Variants in CUL7 observed in about 807,000 individuals in gnomAD.
CUL7 encodes cullin 7, also known as cullin-7.
Under a neutral mutation model 177.7 loss-of-function variants are expected in CUL7, and 96 were observed. The observed-to-expected ratio is 0.54, with a 90% CI of 0.46 to 0.64. The LOEUF (loss-of-function observed/expected upper bound fraction) is 0.64, where lower values mean the gene tolerates loss of function less well. Among genes scored for constraint, CUL7 ranks in the 30% least tolerant of loss-of-function variants. CUL7 has a pLI of 0.00. For missense variants in CUL7, 1,893 were observed against 2,187.9 expected, an observed-to-expected ratio of 0.87 and a Z score of 2.69; for synonymous variants, 824 against 890.2, an observed-to-expected ratio of 0.93 and a Z score of 1.32.
intron 19 of CUL7, among the ~76,000 whole-genome samples, chr6:43,042,132 A>C (rs1430809576): frequency 6.6e-6 from 1 of 150,926 alleles, no homozygotes; most frequent in Non-Finnish European, 1.5e-5. Context: ...GGAAGGAAGG[A>C]AGGAAGGCAG....
At position 43,045,388 on chromosome 6, in the gene CUL7, C is replaced by T. The variant is rs759223855; in HGVS notation, c.2877G>A (p.Thr959=). 74 of 1,614,096 alleles carry T rather than the reference C, an allele frequency of 4.6e-5. 1 individual carries two copies. The highest frequency in any genetic ancestry group is 3.3e-4 in the Middle Eastern group (2 of 6,084). The change falls in exon 15 of 26, where the codon ACG becomes ACA. Residue 959 remains threonine, a synonymous_variant. Coordinates refer to ENST00000265348, the MANE Select transcript of CUL7 (RefSeq NM_014780.5). The surrounding 1 kb of genome is among the most constrained non-coding windows in gnomAD (Gnocchi z 4.8). ...CTAGGATCTCTAACCCCCGAATGCG[C>T]GTATCAATGCCACCCTGAAACACAC... ...IKRCQQGGID[T]RIRGLEILGP...
At position 43,038,948 on chromosome 6, in the gene CUL7, C is replaced by A. The variant is rs756768833; in HGVS notation, c.4334G>T (p.Arg1445Leu). 11 of 1,612,800 alleles carry A rather than the reference C, an allele frequency of 6.8e-6. No individual in the cohort carries two copies. Among genetic ancestry groups the A allele is most frequent in the African/African-American group, 1.3e-5 (1 of 74,884 alleles). Residue 1445 changes from arginine (R) to leucine (L), a missense_variant, in exon 23 of 26, where the codon CGA (arginine) becomes CTA (leucine). Around this residue, in one of 5 missense-constraint regions of CUL7, gnomAD observed 973 missense variants for 1,140.9 expected, o/e 0.85. Transcript: ENST00000265348. ...HPALERGSQR[R>L]LQWTWLGWAE... is the part of the protein sequence containing the mutation. ...CCAGCCCAGCCACGTCCACTGCAGT[C>A]GCCTCTGTGAGCCTCGCTCAAGGGC... is the stretch of plus-strand genomic sequence containing the variant.
rs2150316848 is a variant in CUL7, at chr6:43,043,387, C to T, written c.3355+61G>A. On this transcript the variant is annotated intron_variant, in intron 17 of 25. Transcript: ENST00000265348. This position sits in a 1 kb window ranked among gnomAD's most constrained non-coding sequence, Gnocchi z 4.2. ...GGGATGGACAGAAGCCTGTGGTGTA[C>T]ACATGGGGCCCAGGAAAACGCTCCT... The T allele has an allele frequency of 2.0e-6, 3 of 1,528,698 alleles. No homozygotes were observed. Among genetic ancestry groups the T allele is most frequent in the Middle Eastern group, 2.2e-4 (1 of 4,472 alleles). 94.7% of individuals were successfully genotyped at this position (1,528,698 alleles called of 1,614,324 possible). A position where few individuals can be genotyped will look rare whatever the true frequency, so the allele number is the denominator to read the frequency against.
At position 43,038,341 on chromosome 6, in the gene CUL7, G is replaced by T; in HGVS notation, c.4699C>A (p.Leu1567Met). Reference sequence around the variant, plus strand: ...AGGATTCGGACGATGAGGCAGTTCAGAAGATTCCGTCTCTTCTCCAAGTTC... The same window carrying T: ...AGGATTCGGACGATGAGGCAGTTCATAAGATTCCGTCTCTTCTCCAAGTTC... Reference protein sequence around the residue: ...GQNLEKRRNLLNCLIVRILKA... With the variant: ...GQNLEKRRNLMNCLIVRILKA... Residue 1567 changes from leucine (L) to methionine (M), a missense_variant, in exon 25 of 26, where the codon CTG (leucine) becomes ATG (methionine). Physicochemically the swap from Leu to Met is conservative, Grantham distance 15 (BLOSUM62 2). Transcript: ENST00000265348. 6.2e-7 allele frequency: 1 copy of T among 1,614,210 alleles called. No individual in the cohort carries two copies. Among genetic ancestry groups the T allele is most frequent in the Non-Finnish European group, 8.5e-7 (1 of 1,180,046 alleles).
At position 43,048,551 on chromosome 6, in the gene CUL7, T is replaced by C. The variant is rs750223445; in HGVS notation, c.1844A>G (p.Gln615Arg). 3 of 1,613,988 alleles carry C rather than the reference T, an allele frequency of 1.9e-6. No individual in the cohort carries two copies. The highest frequency in any genetic ancestry group is 1.1e-5 in the South Asian group (1 of 91,084). Residue 615 changes from glutamine (Q) to arginine (R), a missense_variant, in exon 8 of 26, where the codon CAG becomes CGG. Transcript: ENST00000265348. ...AKVEAKEPPS[Q>R]SPNTPLQRLV... ...ACGCTGCAGGGGAGTGTTGGGACTC[T>C]GAGATGGGGGTTCTTTTGCTACAGG...
Position 43,046,981 on chromosome 6 carries a change from G to A in CUL7, c.2296C>T (p.Leu766=), listed in dbSNP as rs1561886829. The A allele has an allele frequency of 1.9e-6, 3 of 1,613,358 alleles. No individual in the cohort carries two copies. Among genetic ancestry groups the A allele is most frequent in the Non-Finnish European group, 1.7e-6 (2 of 1,179,326 alleles). Residue 766 remains leucine, a synonymous_variant, in exon 10 of 26, where the codon CTG becomes TTG. Coordinates refer to ENST00000265348, the MANE Select transcript of CUL7 (RefSeq NM_014780.5). ...TCCCGCAGCTCCTGAGCCAGCTCCA[G>A]CTTTCCCAGGTGCTTTTCCAGGGCC... ...SKALEKHLGK[L]ELAQELRDMV... is the part of the protein sequence containing the mutation.
rs374026887 is a variant in CUL7, at chr6:43,038,588, G to A, written c.4545C>T (p.His1515=). The change falls in exon 24 of 26, where the codon CAC becomes CAT. Residue 1515 remains histidine (H), a synonymous_variant. Coordinates refer to ENST00000265348, the MANE Select transcript of CUL7 (RefSeq NM_014780.5). The part of the protein sequence containing the change: ...LTSSRGPLDL[H]EQKDIPGGVL... ...TACCTCCTGGTATATCCTTTTGCTC[G>A]TGAAGGTCCAGGGGGCCTCTTGAAG... 3.0e-5 allele frequency: 48 copies of A among 1,613,964 alleles called. No homozygotes were observed. Among genetic ancestry groups the A allele is most frequent in the Admixed American group, 1.2e-4 (7 of 60,006 alleles).
In CUL7 at chr6:43,048,195, C is replaced by T. The variant is rs764663127; in HGVS notation, c.2122G>A (p.Val708Met). ...CGCAGGCAGGCCATGCAGGCATCCA[C>T]GGCCTCGTGCCAGGGGAGCAGCAGT... ...EALLLPWHEA[V>M]DACMACLRSP... The change falls in exon 9 of 26, where the codon GTG becomes ATG. Residue 708 changes from valine to methionine, a missense_variant. Transcript: ENST00000265348. The T allele has an allele frequency of 7.4e-6, 12 of 1,613,454 alleles. No homozygotes were observed. The highest frequency in any genetic ancestry group is 2.2e-5 in the South Asian group (2 of 91,076).
chr6:43,047,177 G>C (rs1763995276), intron 9 of CUL7, 70 bp from the exon 10 acceptor site: 1 of 857,522 alleles, frequency 1.2e-6, no homozygotes, highest in African/African-American at 1.7e-5. Flanking sequence ...TGCAGTAGCA[G>C]GTACCCACTG....
intron 6 of CUL7, 111 bp from the exon 7 acceptor site, chr6:43,049,773 C>G: frequency 2.0e-6 from 3 of 1,487,644 alleles, no homozygotes; most frequent in Non-Finnish European, 2.8e-6. Context: ...CATCCTGATC[C>G]TCTCACAGCT....
At position 43,038,038 on chromosome 6, in the gene CUL7, G is replaced by A. The variant is rs374668443; in HGVS notation, c.4774-27C>T. 116 of 1,577,396 alleles carry A rather than the reference G, an allele frequency of 7.4e-5. 1 individual carries two copies. The Admixed American group carries it at 7.5e-4, about 10-fold the overall frequency. ...TGGTGTGGGGGAGGAAGGGAGAAGCGGTAGTTTAGAGGCAGCTGACCCCTC... is the reference window on the plus strand; with the variant it reads ...TGGTGTGGGGGAGGAAGGGAGAAGCAGTAGTTTAGAGGCAGCTGACCCCTC... On this transcript the variant is annotated intron_variant, in intron 25 of 25. Coordinates refer to ENST00000265348, the MANE Select transcript of CUL7 (RefSeq NM_014780.5).
In CUL7 at chr6:43,052,419, G is replaced by A; in HGVS notation, c.370C>T (p.Gln124Ter). The change falls in exon 2 of 26, where the codon CAG becomes TAG. Residue 124 changes from glutamine to a stop codon, truncating the protein, a stop_gained. Transcript: ENST00000265348. LOFTEE classifies it high-confidence loss of function. The surrounding 1 kb of genome is among the most constrained non-coding windows in gnomAD (Gnocchi z 4.5). The stretch of plus-strand genomic sequence containing the variant: ...ATAGTGCCCACACACTCCTCCAGCT[G>A]CCGAAGGGCTCTCTGAATGAGGGAC... ...VKSLIQRALR[Q>*]LEECVGTIPP... 3 of 1,614,114 alleles carry A rather than the reference G, an allele frequency of 1.9e-6. No individual in the cohort carries two copies. The highest frequency in any genetic ancestry group is 2.5e-6 in the Non-Finnish European group (3 of 1,179,920).
In CUL7 at chr6:43,050,125, T is replaced by G. The variant is rs1317926650; in HGVS notation, c.1407A>C (p.Glu469Asp). 6.2e-7 allele frequency: 1 copy of G among 1,613,926 alleles called. No individual in the cohort carries two copies. Among genetic ancestry groups the G allele is most frequent in the African/African-American group, 1.3e-5 (1 of 74,844 alleles). ...LPAWRWRPMT[E>D]LYAVPYVLPE... Reference sequence around the variant, plus strand: ...GCAGCACATAAGGCACAGCATAGAGTTCTGTCATGGGCCTCCAGCGCCAGG... The same window carrying G: ...GCAGCACATAAGGCACAGCATAGAGGTCTGTCATGGGCCTCCAGCGCCAGG... Residue 469 changes from glutamate to aspartate, a missense_variant, in exon 6 of 26, where the codon GAA (glutamate) becomes GAC (aspartate). Physicochemically the swap from Glu to Asp is conservative, Grantham distance 45. Around this residue, in one of 5 missense-constraint regions of CUL7, gnomAD observed 653 missense variants for 725.2 expected, o/e 0.90. Transcript: ENST00000265348. This position sits in a 1 kb window ranked among gnomAD's most constrained non-coding sequence, Gnocchi z 4.1.
chr6:43,041,670 G>GGGAAGGGAAA (rs1763423821), intron 19 of CUL7, among the ~76,000 whole-genome samples: 1 of 150,484 alleles, frequency 6.6e-6, no homozygotes, highest in Non-Finnish European at 1.5e-5. Context: ...GGGGAGGGAA[G>GGGAAGGGAAA]GGAAGGGAAA....
chr6:43,051,805 C>T lies in CUL7; in HGVS notation c.581-42G>A, dbSNP rs369886844. On this transcript the variant is annotated intron_variant, in intron 2 of 25. Coordinates refer to ENST00000265348, the MANE Select transcript of CUL7 (RefSeq NM_014780.5). This position sits in a 1 kb window ranked among gnomAD's most constrained non-coding sequence, Gnocchi z 5.0. ...AGTTGGTAACTTCTCCCTAATCTCA[C>T]CCTTCCTAGAAATCTTAGACCCTCT... The T allele has an allele frequency of 3.7e-6, 6 of 1,609,596 alleles. No homozygotes were observed. The highest frequency in any genetic ancestry group is 5.1e-6 in the Non-Finnish European group (6 of 1,176,140).
intron 19 of CUL7, among the ~76,000 whole-genome samples, chr6:43,042,433 T>G (rs544991732): frequency 6.6e-6 from 1 of 152,058 alleles, no homozygotes; most frequent in Non-Finnish European, 1.5e-5. Context: ...CTCCACTTCC[T>G]GGGTTCAAAC....
At position 43,052,373 on chromosome 6, in the gene CUL7, T is replaced by G. The variant is rs774978921; in HGVS notation, c.416A>C (p.His139Pro). 5.6e-6 allele frequency: 9 copies of G among 1,614,208 alleles called. No individual in the cohort carries two copies. Among genetic ancestry groups the G allele is most frequent in the Non-Finnish European group, 7.6e-6 (9 of 1,180,030 alleles). The part of the protein sequence containing the change: ...VGTIPPAPLL[H>P]TVHVLSAYAS... ...ATAGGCGCTGAGCACGTGGACAGTG[T>G]GAAGTAGAGGAGCAGGAGGGATAGT... The change falls in exon 2 of 26, where the codon CAC becomes CCC. Residue 139 changes from histidine to proline, a missense_variant. Physicochemically the swap from His to Pro is moderately conservative, Grantham distance 77. Transcript: ENST00000265348. The surrounding 1 kb of genome is among the most constrained non-coding windows in gnomAD (Gnocchi z 4.5).
rs574484980 is a variant in CUL7 at position 43,043,863 on chromosome 6, A to C, written c.3173-233T>G. Among the ~76,000 whole-genome samples the C allele has an allele frequency of 6.6e-6, 1 of 152,004 alleles. No homozygotes were observed. Among genetic ancestry groups the C allele is most frequent in the South Asian group, 2.1e-4 (1 of 4,808 alleles). ...GTCAACATAGCAGGACCCCATCTTT[A>C]AAAATAAGAAATAAGCATAAAAAAA... On this transcript the variant is annotated intron_variant, in intron 16 of 25. Transcript: ENST00000265348. The surrounding 1 kb of genome is among the most constrained non-coding windows in gnomAD (Gnocchi z 4.2).
chr6:43,048,290 C>T, intron 8 of CUL7, 37 bp from the exon 9 acceptor site: 1 of 1,592,632 alleles, frequency 6.3e-7, no homozygotes, highest in Non-Finnish European at 8.6e-7. Context: ...CCTCATGGAC[C>T]CCCTTTGCCC....
Sources: allele counts gnomAD v4.1 joint callset (sites outside exome capture counted in the v4.1 genomes callset), GRCh38; gene constraint gnomAD v4.1.1; regional missense constraint gnomAD v4.1.1; non-coding constraint Gnocchi (gnomAD v3.1); transcripts MANE v1.5; gene names NCBI Gene and HGNC (gene_info 2026-07-23, HGNC 2026-07-21).